LSM3: variants seen among roughly 807,000 people sequenced by gnomAD.
The protein encoded by LSM3 is U6 snRNA-associated Sm-like protein LSm3.
A neutral mutation model predicts 15.4 loss-of-function variants in LSM3; 14 were observed. The observed-to-expected ratio is 0.91, with a 90% CI of 0.60 to 1.42. The LOEUF (loss-of-function observed/expected upper bound fraction) is 1.42, where lower values mean the gene tolerates loss of function less well. LSM3 is among the 40% of genes most tolerant of loss of function. The pLI, the probability that LSM3 is intolerant of heterozygous loss-of-function variation, is 0.00. For missense variants in LSM3, 88 were observed against 127.9 expected, an observed-to-expected ratio of 0.69 and a Z score of 1.50; for synonymous variants, 46 against 45.1, an observed-to-expected ratio of 1.02 and a Z score of -0.08.
At chr3:14,196,463 G>A (rs1376606937) in intron 3 of LSM3, among the ~76,000 whole-genome samples, 2 of 152,148 alleles carry the variant, frequency 1.3e-5, no homozygotes, top group East Asian at 3.9e-4. Flanking sequence ...CAAAGAAGAT[G>A]AATAATTTAC....
In LSM3 at chr3:14,200,562, A is replaced by G. The variant is rs755806098; in HGVS notation, c.*2446A>G. Reference sequence around the variant, plus strand: ...CCTAAGGGAAGCCTCTTCAGCAAGTATCATGCCTGGATCCCGGTCTTGGTT... The same window carrying G: ...CCTAAGGGAAGCCTCTTCAGCAAGTGTCATGCCTGGATCCCGGTCTTGGTT... On this transcript the variant is annotated 3_prime_UTR_variant, in exon 4 of 4. Transcript: ENST00000306024. The G allele has an allele frequency of 6.8e-6, 1 of 146,404 alleles. No homozygotes were observed. 9.1% of individuals were successfully genotyped at this position (146,404 alleles called of 1,614,324 possible). A position where few individuals can be genotyped will look rare whatever the true frequency, so the allele number is the denominator to read the frequency against.
rs1436714313 is a variant in LSM3, at chr3:14,180,820, C to CTTTTTTTTTTTTT, written c.22-740_22-739insTTTTTTTTTTTTT. On this transcript the variant is annotated intron_variant, in intron 1 of 3. Transcript: ENST00000306024. ...TGACTCCAAAGCCAGTGCTTGCTTG[C>CTTTTTTTTTTTTT]CTTTTTTTTTTTTTTTTTTTTTTTT... Among the ~76,000 whole-genome samples, 2 of 51,398 alleles carry CTTTTTTTTTTTTT rather than the reference C, an allele frequency of 3.9e-5. 1 individual carries two copies. The highest frequency in any genetic ancestry group is 1.5e-4 in the African/African-American group (2 of 13,078). 33.7% of individuals were successfully genotyped at this position (51,398 alleles called of 152,430 possible).
intron 3 of LSM3, among the ~76,000 whole-genome samples, chr3:14,189,073 A>G (rs536595799): frequency 3.3e-5 from 5 of 152,142 alleles, no homozygotes; most frequent in Non-Finnish European, 5.9e-5. Flanking sequence ...TGATCTTGTG[A>G]TATTTTGCTG....
At chr3:14,184,383 C>T (rs898389520) in intron 3 of LSM3, among the ~76,000 whole-genome samples, 6 of 152,150 alleles carry the variant, frequency 3.9e-5, no homozygotes, top group Admixed American at 2.0e-4. Context: ...AGTGTTCTTT[C>T]GTTTTCTGTG....
At chr3:14,180,479 GGGTTTCAC>G (rs1378597913) in intron 1 of LSM3, among the ~76,000 whole-genome samples, 1 of 151,966 alleles carries the variant, frequency 6.6e-6, no homozygotes, top group African/African-American at 2.4e-5. Context: ...CGTAGAGATG[GGGTTTCAC>G]CATGTTGGCC....
chr3:14,180,253 A>G (rs564024227), intron 1 of LSM3, among the ~76,000 whole-genome samples: 2 of 152,110 alleles, frequency 1.3e-5, no homozygotes, highest in East Asian at 3.9e-4. Context: ...GTAATAATAT[A>G]ATATTAATAG....
At chr3:14,183,048 A>C (rs1697055014) in intron 2 of LSM3, among the ~76,000 whole-genome samples, 2 of 152,226 alleles carry the variant, frequency 1.3e-5, no homozygotes, top group South Asian at 4.1e-4. Context: ...AATTGAGTTT[A>C]ATTACTTAAG....
In LSM3 at chr3:14,198,319, C is replaced by A. The variant is rs1172271954; in HGVS notation, c.*203C>A. 4 of 532,702 alleles carry A rather than the reference C, an allele frequency of 7.5e-6. No homozygotes were observed. Among genetic ancestry groups the A allele is most frequent in the Non-Finnish European group, 1.3e-5 (4 of 301,070 alleles). The allele number at this position is 532,702 out of a possible 1,614,324, so 33.0% of individuals were successfully genotyped here. On this transcript the variant is annotated 3_prime_UTR_variant, in exon 4 of 4. Transcript: ENST00000306024. ...GGTATTTTCATTTTTCTCAAGCTCTCCAATAAATATGACCACCAAGATGCA... is the reference window on the plus strand; with the variant it reads ...GGTATTTTCATTTTTCTCAAGCTCTACAATAAATATGACCACCAAGATGCA...
At chr3:14,186,626 TGTA>T (rs1214531930) in intron 3 of LSM3, among the ~76,000 whole-genome samples, 8 of 152,242 alleles carry the variant, frequency 5.3e-5, no homozygotes, top group African/African-American at 1.9e-4. Flanking sequence ...TATTTATTTA[TGTA>T]TTTTTGCTGG....
At position 14,198,228 on chromosome 3, in the gene LSM3, T is replaced by G; in HGVS notation, c.*112T>G. The stretch of plus-strand genomic sequence containing the variant: ...ATACATTTTGATATTAAGAAATAAT[T>G]CCGGGGATTCTTCCACTCCTGAAAT... On this transcript the variant is annotated 3_prime_UTR_variant, in exon 4 of 4. Transcript: ENST00000306024. 2.6e-6 allele frequency: 2 copies of G among 777,420 alleles called. No individual in the cohort carries two copies. Among genetic ancestry groups the G allele is most frequent in the Non-Finnish European group, 4.3e-6 (2 of 459,958 alleles). 48.2% of individuals were successfully genotyped at this position (777,420 alleles called of 1,614,324 possible).
chr3:14,194,256 G>C (rs1697168116), intron 3 of LSM3, among the ~76,000 whole-genome samples: 2 of 152,304 alleles, frequency 1.3e-5, no homozygotes, highest in Admixed American at 1.3e-4. Context: ...TGAGGAGGCA[G>C]ACTGACCCTT....
At chr3:14,192,267 G>A (rs184898677) in intron 3 of LSM3, among the ~76,000 whole-genome samples, 10 of 152,294 alleles carry the variant, frequency 6.6e-5, no homozygotes, top group Middle Eastern at 3.4e-3. Context: ...GTTGATTTGG[G>A]GTGGAGAGTT....
At chr3:14,187,668 C>CT (rs1193584374) in intron 3 of LSM3, among the ~76,000 whole-genome samples, 1 of 152,172 alleles carries the variant, frequency 6.6e-6, no homozygotes, top group Non-Finnish European at 1.5e-5. Flanking sequence ...TCTCTCTCGT[C>CT]TATTGAAATA....
chr3:14,191,958 C>G (rs1348293354), intron 3 of LSM3, among the ~76,000 whole-genome samples: 1 of 152,168 alleles, frequency 6.6e-6, no homozygotes, highest in Non-Finnish European at 1.5e-5. Flanking sequence ...TTAAATGTGT[C>G]CCAGAGATTC....
chr3:14,178,990 C>G, intron 1 of LSM3, 109 bp downstream of exon 1: 1 of 1,195,170 alleles, frequency 8.4e-7, no homozygotes. Context: ...GTCACCATGG[C>G]CTAATCCACC....
intron 1 of LSM3, among the ~76,000 whole-genome samples, chr3:14,180,277 T>C (rs1374433003): frequency 1.3e-5 from 2 of 152,088 alleles, no homozygotes; most frequent in East Asian, 3.9e-4. Context: ...TCTTTTCTTT[T>C]CCTTTTTTTT....
At chr3:14,188,747 G>A (rs1360786082) in intron 3 of LSM3, among the ~76,000 whole-genome samples, 2 of 152,202 alleles carry the variant, frequency 1.3e-5, no homozygotes, top group Middle Eastern at 3.4e-3. Flanking sequence ...TTGATGGACA[G>A]ATAGCCATTT....
At chr3:14,190,805 G>C (rs539357294) in intron 3 of LSM3, among the ~76,000 whole-genome samples, 1 of 152,200 alleles carries the variant, frequency 6.6e-6, no homozygotes, top group South Asian at 2.1e-4. Flanking sequence ...GATTGCCCTG[G>C]CCAGAATTTC....
intron 3 of LSM3, among the ~76,000 whole-genome samples, chr3:14,193,932 C>A (rs1697164712): frequency 6.6e-6 from 1 of 152,162 alleles, no homozygotes; most frequent in Admixed American, 6.5e-5. Context: ...TACCTCTAGT[C>A]TTTGATGTTG....
Sources: gnomAD v4.1 joint callset for allele counts (sites outside exome capture counted in the v4.1 genomes callset) on GRCh38, gnomAD v4.1.1 for gene constraint, MANE v1.5 for transcripts, NCBI Gene and HGNC (gene_info 2026-07-23, HGNC 2026-07-21) for gene names.